CAPN11: variants seen among roughly 807,000 people sequenced by gnomAD.
CAPN11 encodes calpain 11.
CAPN11 carries 108 observed loss-of-function variants against 105.3 expected under a neutral mutation model. The observed-to-expected ratio is 1.03, with a 90% CI of 0.88 to 1.20. The LOEUF (loss-of-function observed/expected upper bound fraction) is 1.20, where lower values mean the gene tolerates loss of function less well. Ranked by LOEUF, CAPN11 falls within the 50% of genes most tolerant of loss-of-function variation. The probability of loss-of-function intolerance (pLI) is 0.00; values close to 1 mark genes in which losing one functional copy is unlikely to be tolerated. For synonymous variants in CAPN11, 329 were observed against 344.5 expected, an observed-to-expected ratio of 0.96 and a Z score of 0.50; for missense variants, 883 against 924.8, an observed-to-expected ratio of 0.95 and a Z score of 0.59.
intron 10 of CAPN11, 27 bp downstream of exon 10, chr6:44,176,682 T>G (rs772199135): frequency 6.4e-7 from 1 of 1,572,614 alleles, no homozygotes; most frequent in South Asian, 1.2e-5. Flanking sequence ...GTGGGCTTCT[T>G]ACCACCACCC....
In CAPN11 at chr6:44,183,922, T is replaced by C. The variant is rs1433863745; in HGVS notation, c.2210T>C (p.Met737Thr). 2 of 1,553,548 alleles carry C rather than the reference T, an allele frequency of 1.3e-6. No homozygotes were observed. Among genetic ancestry groups the C allele is most frequent in the South Asian group, 1.2e-5 (1 of 84,358 alleles). Residue 737 changes from methionine to threonine, a missense_variant, in exon 23 of 23, where the codon ATG becomes ACG. Met to Thr is a moderately conservative substitution (Grantham distance 81). Coordinates refer to ENST00000398776, the MANE Select transcript of CAPN11 (RefSeq NM_007058.4). ...TCTCCACAGTGGCTGCAGATGACCA[T>C]GTGGGGATAGAGGCGCTGTAGGAGC... ...LSLEQWLQMTMWG is the reference protein window; with the variant it reads ...LSLEQWLQMTTWG
chr6:44,176,778 G>C (rs1007404259), intron 10 of CAPN11, 60 bp from the exon 11 acceptor site: 77 of 1,599,510 alleles, frequency 4.8e-5, no homozygotes, highest in Middle Eastern at 3.3e-4. Context: ...GGTGGTTCAG[G>C]GAGAGGGAAC....
At chr6:44,166,363 A>G (rs1582861044) in intron 1 of CAPN11, among the ~76,000 whole-genome samples, 1 of 152,074 alleles carries the variant, frequency 6.6e-6, no homozygotes, top group Non-Finnish European at 1.5e-5. Context: ...TCACTCTGTG[A>G]CCTCGGGCAA....
At chr6:44,167,862 G>C (rs947823223) in intron 2 of CAPN11, among the ~76,000 whole-genome samples, 5 of 151,744 alleles carry the variant, frequency 3.3e-5, no homozygotes, top group Admixed American at 3.3e-4. Flanking sequence ...GCTGCAGTGA[G>C]CCATGATCAA....
intron 2 of CAPN11, 30 bp downstream of exon 2, chr6:44,166,859 G>A (rs1239832393): frequency 6.8e-7 from 1 of 1,468,220 alleles, no homozygotes. Flanking sequence ...GTGGCTCTGT[G>A]GCCTCCCTTT....
chr6:44,179,989 T>C lies in CAPN11; in HGVS notation c.1466T>C (p.Phe489Ser), dbSNP rs755172488. Residue 489 changes from phenylalanine to serine, a missense_variant, in exon 14 of 23, where the codon TTC (phenylalanine) becomes TCC (serine). By Grantham distance (155) the Phe-to-Ser change is radical (BLOSUM62 -2). Transcript: ENST00000398776. ...CAGGATGTCCACTTGAAGAAGGAAT[T>C]CTTCACGAAGTATCAGGACCACGGC... ...NIQDVHLKKE[F>S]FTKYQDHGFS... is the part of the protein sequence containing the mutation. The C allele has an allele frequency of 1.9e-6, 3 of 1,613,690 alleles. No individual in the cohort carries two copies. The South Asian group carries it at 3.3e-5, about 18-fold the overall frequency.
At position 44,182,070 on chromosome 6, in the gene CAPN11, CCA is replaced by C. The variant is rs746430151; in HGVS notation, c.1938+765_1938+766del. ...ACACACACATACAGACACAACCACACCACACACACACACACATACACACTCAC... is the reference window on the plus strand; with the variant it reads ...ACACACACATACAGACACAACCACACCACACACACACACATACACACTCAC... On this transcript the variant is annotated intron_variant, in intron 19 of 22. Coordinates refer to ENST00000398776, the MANE Select transcript of CAPN11 (RefSeq NM_007058.4). Among the ~76,000 whole-genome samples the C allele has an allele frequency of 2.3e-3, 28 of 12,312 alleles. 1 individual carries two copies. The highest frequency in any genetic ancestry group is 7.4e-3 in the East Asian group (12 of 1,620). The allele number at this position is 12,312 out of a possible 152,430, so 8.1% of individuals were successfully genotyped here.
At position 44,183,235 on chromosome 6, in the gene CAPN11, A is replaced by C. The variant is rs1392685492; in HGVS notation, c.2134A>C (p.Thr712Pro). The C allele has an allele frequency of 6.3e-7, 1 of 1,594,842 alleles. No homozygotes were observed. The highest frequency in any genetic ancestry group is 8.6e-7 in the Non-Finnish European group (1 of 1,162,446). Residue 712 changes from threonine (T) to proline (P), a missense_variant and splice_region_variant, in exon 21 of 23, where the codon ACA (threonine) becomes CCA (proline). Physicochemically the swap from Thr to Pro is conservative, Grantham distance 38. Transcript: ENST00000398776. ...TTTCCTGAGGCTAAAGACCATGTTC[A>C]GTGAGTTAGGCATCTACCCACTCCC... Reference protein sequence around the residue: ...SCFLRLKTMFTFFLTMDPKNT... With the variant: ...SCFLRLKTMFPFFLTMDPKNT...
intron 19 of CAPN11, among the ~76,000 whole-genome samples, 156 bp downstream of exon 19, chr6:44,181,476 CAGA>C (rs879809810): frequency 0.2 from 9,996 of 49,524 alleles, 2,957 homozygotes; most frequent in Middle Eastern, 0.32. Context: ...CACTCACATA[CAGA>C]CACAACCACA....
chr6:44,161,172 T>C (rs1266202721), intron 1 of CAPN11, among the ~76,000 whole-genome samples: 12 of 107,310 alleles, frequency 1.1e-4, no homozygotes, highest in Non-Finnish European at 2.3e-4. Context: ...GATATTTTCT[T>C]TTGGGTTTTT....
At chr6:44,178,749 TTAAAA>T (rs1265028980) in intron 12 of CAPN11, among the ~76,000 whole-genome samples, 9 of 70,280 alleles carry the variant, frequency 1.3e-4, no homozygotes, top group African/African-American at 2.6e-4. Context: ...CCTGTCTCGA[TTAAAA>T]AAAAAAAAAA....
chr6:44,161,303 G>A (rs1355815319), intron 1 of CAPN11, among the ~76,000 whole-genome samples: 4 of 151,892 alleles, frequency 2.6e-5, no homozygotes, highest in African/African-American at 4.8e-5. Context: ...GGGTTCAAGC[G>A]ATTCTCCTGC....
At chr6:44,183,076 G>A (rs1774063316) in intron 20 of CAPN11, 43 bp from the exon 21 acceptor site, 2 of 1,595,608 alleles carry the variant, frequency 1.3e-6, no homozygotes, top group South Asian at 1.1e-5. Flanking sequence ...AGTGTCCAGA[G>A]GCCCAGACTT....
Position 44,169,499 on chromosome 6 carries a change from A to G in CAPN11, c.307A>G (p.Asn103Asp), listed in dbSNP as rs763552452. The G allele has an allele frequency of 2.5e-6, 4 of 1,600,996 alleles. No homozygotes were observed. In the South Asian group the frequency reaches 4.5e-5, roughly 18 times the overall value. ...CAAGGACCTGGGCCCCAACTCCAAA[A>G]ATGTGCAGAACATCTCCTGGCAGCG... The part of the protein sequence containing the change: ...GFKDLGPNSK[N>D]VQNISWQRPK... Residue 103 changes from asparagine to aspartate, a missense_variant, in exon 3 of 23, where the codon AAT (asparagine) becomes GAT (aspartate). Asn to Asp is a conservative substitution (Grantham distance 23, BLOSUM62 1). Coordinates refer to ENST00000398776, the MANE Select transcript of CAPN11 (RefSeq NM_007058.4).
In CAPN11 at chr6:44,180,035, C is replaced by G; in HGVS notation, c.1512C>G (p.Asn504Lys). 6.2e-7 allele frequency: 1 copy of G among 1,613,694 alleles called. No homozygotes were observed. The highest frequency in any genetic ancestry group is 8.5e-7 in the Non-Finnish European group (1 of 1,179,638). Reference protein sequence around the residue: ...QDHGFSEIFTNSREVSSQLRL... With the variant: ...QDHGFSEIFTKSREVSSQLRL... ...ACGGCTTCTCAGAGATCTTCACCAA[C>G]TCACGGGAGGTGAGCAGCCAACTCC... The change falls in exon 14 of 23, where the codon AAC becomes AAG. Residue 504 changes from asparagine (N) to lysine (K), a missense_variant. Transcript: ENST00000398776.
intron 2 of CAPN11, among the ~76,000 whole-genome samples, chr6:44,168,697 T>C (rs1770425541): frequency 6.6e-6 from 1 of 151,210 alleles, no homozygotes; most frequent in African/African-American, 2.4e-5. Context: ...ATCTCAGCTC[T>C]GCACCTCCGC....
intron 19 of CAPN11, 26 bp from the exon 20 acceptor site, chr6:44,182,915 C>T: frequency 6.4e-7 from 1 of 1,551,294 alleles, no homozygotes; most frequent in Non-Finnish European, 8.8e-7. Flanking sequence ...TGCATGTGGC[C>T]CTACCATATC....
At chr6:44,166,233 G>A (rs1442073505) in intron 1 of CAPN11, among the ~76,000 whole-genome samples, 1 of 152,168 alleles carries the variant, frequency 6.6e-6, no homozygotes, top group Non-Finnish European at 1.5e-5. Flanking sequence ...CAGAGATGGG[G>A]CAGGTTCTGC....
At chr6:44,176,360 G>A (rs1772005200) in intron 9 of CAPN11, 22 bp downstream of exon 9, 15 of 1,603,422 alleles carry the variant, frequency 9.4e-6, no homozygotes, top group African/African-American at 1.3e-5. Context: ...CAACCCAGGT[G>A]AGGGGTGGTC....
Sources: allele counts gnomAD v4.1 joint callset (sites outside exome capture counted in the v4.1 genomes callset), GRCh38; gene constraint gnomAD v4.1.1; transcripts MANE v1.5; gene names NCBI Gene and HGNC (gene_info 2026-07-23, HGNC 2026-07-21).